Variants in DLG2 observed in about 807,000 individuals in gnomAD.
The protein encoded by DLG2 is disks large homolog 2.
DLG2 carries 45 observed loss-of-function variants against 132.5 expected under a neutral mutation model. The observed-to-expected ratio is 0.34, with a 90% CI of 0.27 to 0.44. DLG2 has a LOEUF of 0.44. Ranked by LOEUF, DLG2 falls within the 20% of genes least tolerant of loss-of-function variation. DLG2 has a pLI of 1.00. For missense variants in DLG2, 1,045 were observed against 1,196.9 expected, an observed-to-expected ratio of 0.87 and a Z score of 1.87; for synonymous variants, 424 against 419.6, an observed-to-expected ratio of 1.01 and a Z score of -0.13.
At chr11:84,588,369 T>C (rs2099534776) in intron 6 of DLG2, among the ~76,000 whole-genome samples, 1 of 152,178 alleles carries the variant, frequency 6.6e-6, no homozygotes, top group South Asian at 2.1e-4. Flanking sequence ...TGAATCATCA[T>C]TCTTTTGTAT....
chr11:84,922,425 A>G (rs1292442495), intron 6 of DLG2, among the ~76,000 whole-genome samples: 1 of 152,194 alleles, frequency 6.6e-6, no homozygotes, highest in African/African-American at 2.4e-5. Flanking sequence ...ACAAGGGGTA[A>G]ATCTCCCAAA....
chr11:85,040,557 C>A (rs922967277), intron 6 of DLG2, among the ~76,000 whole-genome samples: 29 of 151,928 alleles, frequency 1.9e-4, no homozygotes, highest in African/African-American at 7.0e-4. Flanking sequence ...CTAACAGATA[C>A]TTCCAGCTAT....
intron 3 of DLG2, among the ~76,000 whole-genome samples, chr11:85,355,119 T>C (rs1362191705): frequency 6.6e-6 from 1 of 152,196 alleles, no homozygotes; most frequent in Non-Finnish European, 1.5e-5. Flanking sequence ...TTTTGTGGTA[T>C]ATACACAATT....
At chr11:83,612,784 G>A (rs947255696) in intron 19 of DLG2, among the ~76,000 whole-genome samples, 2 of 152,074 alleles carry the variant, frequency 1.3e-5, no homozygotes, top group African/African-American at 4.8e-5. Flanking sequence ...TGAAGAAAGG[G>A]CCTGTGCAAA....
chr11:83,667,706 G>A (rs866347292), intron 18 of DLG2, among the ~76,000 whole-genome samples: 9 of 152,104 alleles, frequency 5.9e-5, no homozygotes, highest in Non-Finnish European at 1.2e-4. Context: ...GAGGCCGGGC[G>A]CAGTGGCTCA....
At chr11:85,197,748 C>G (rs1047541697) in intron 4 of DLG2, among the ~76,000 whole-genome samples, 3 of 152,072 alleles carry the variant, frequency 2.0e-5, no homozygotes, top group African/African-American at 7.2e-5. Flanking sequence ...CCAACTAGAA[C>G]AAAATCTCCA....
intron 6 of DLG2, among the ~76,000 whole-genome samples, chr11:84,551,189 A>G (rs2099401106): frequency 6.6e-6 from 1 of 152,222 alleles, no homozygotes; most frequent in African/African-American, 2.4e-5. Flanking sequence ...TAATAAAAAT[A>G]TTAATGTTTC....
intron 3 of DLG2, among the ~76,000 whole-genome samples, chr11:85,455,074 T>A (rs2092376566): frequency 1.3e-5 from 2 of 152,204 alleles, no homozygotes; most frequent in Non-Finnish European, 2.9e-5. Flanking sequence ...TCATTGATAG[T>A]TTGATAGGAA....
At chr11:83,826,053 T>C (rs1206945191) in intron 17 of DLG2, among the ~76,000 whole-genome samples, 1 of 151,196 alleles carries the variant, frequency 6.6e-6, no homozygotes, top group East Asian at 1.9e-4. Flanking sequence ...GTGGGCTGTG[T>C]TAACAATTTT....
intron 3 of DLG2, among the ~76,000 whole-genome samples, chr11:85,353,414 G>T (rs907097485): frequency 6.6e-6 from 1 of 152,222 alleles, no homozygotes; most frequent in Non-Finnish European, 1.5e-5. Context: ...TTCAACCATT[G>T]TGGAGGACAG....
chr11:83,597,521 C>G (rs970828714), intron 19 of DLG2, among the ~76,000 whole-genome samples: 1 of 151,660 alleles, frequency 6.6e-6, no homozygotes, highest in Non-Finnish European at 1.5e-5. Flanking sequence ...CCGTCTCTAC[C>G]AAAATTAAAT....
chr11:84,908,039 TA>T, intron 6 of DLG2, among the ~76,000 whole-genome samples: 1 of 152,036 alleles, frequency 6.6e-6, no homozygotes, highest in Non-Finnish European at 1.5e-5. Flanking sequence ...ACACTGATTA[TA>T]AAAACCCTTT....
chr11:83,679,071 T>C (rs1168238670), intron 18 of DLG2, among the ~76,000 whole-genome samples: 2 of 152,186 alleles, frequency 1.3e-5, no homozygotes, highest in Non-Finnish European at 2.9e-5. Context: ...CTCTATTGCA[T>C]ACTTCCAACA....
chr11:85,069,287 C>T (rs1051513976), intron 6 of DLG2, among the ~76,000 whole-genome samples: 10 of 152,100 alleles, frequency 6.6e-5, no homozygotes, highest in Admixed American at 6.6e-4. Flanking sequence ...GCAACAGAAG[C>T]CAAAATTGAC....
chr11:83,904,559 A>AC (rs2154102541), intron 15 of DLG2, among the ~76,000 whole-genome samples: 1 of 152,296 alleles, frequency 6.6e-6, no homozygotes, highest in East Asian at 1.9e-4. Context: ...TAGCAGAAGC[A>AC]CTGACTGTCT....
chr11:84,996,801 G>A (rs911414097), intron 6 of DLG2, among the ~76,000 whole-genome samples: 2 of 152,170 alleles, frequency 1.3e-5, no homozygotes, highest in African/African-American at 4.8e-5. Flanking sequence ...TCCAAAAAAT[G>A]AGATTACCAG....
At chr11:84,435,530 TA>T (rs2098997830) in intron 7 of DLG2, among the ~76,000 whole-genome samples, 1 of 152,186 alleles carries the variant, frequency 6.6e-6, no homozygotes, top group Non-Finnish European at 1.5e-5. Context: ...GTAGAGTTGT[TA>T]TTTCCTTTGG....
At chr11:84,302,972 C>G (rs563679317) in intron 7 of DLG2, among the ~76,000 whole-genome samples, 12 of 152,026 alleles carry the variant, frequency 7.9e-5, no homozygotes, top group East Asian at 7.7e-4. Context: ...CACACACACA[C>G]TAGCCTGCCA....
At chr11:85,039,944 T>C (rs978460963) in intron 6 of DLG2, among the ~76,000 whole-genome samples, 1 of 151,854 alleles carries the variant, frequency 6.6e-6, no homozygotes, top group Non-Finnish European at 1.5e-5. Flanking sequence ...AACTATACCT[T>C]TGTGAATTCT....
Sources: gnomAD v4.1 joint callset for allele counts (sites outside exome capture counted in the v4.1 genomes callset) on GRCh38, gnomAD v4.1.1 for gene constraint, MANE v1.5 for transcripts, NCBI Gene and HGNC (gene_info 2026-07-23, HGNC 2026-07-21) for gene names.